The following NRXN3 variants were observed in gnomAD, a reference collection of about 807,000 sequenced individuals.
NRXN3 encodes the protein neurexin 3, also known as neurexin III.
NRXN3 carries 32 observed loss-of-function variants against 137.6 expected under a neutral mutation model. That is an observed-to-expected ratio of 0.23 (90% CI 0.18 to 0.31). The LOEUF (loss-of-function observed/expected upper bound fraction) is 0.31, where lower values mean the gene tolerates loss of function less well. NRXN3 is among the 10% of genes least tolerant of loss of function. The pLI is 1.00. For missense variants in NRXN3, 1,574 were observed against 2,062.5 expected (o/e 0.76, Z 4.59); for synonymous variants, 798 against 784.5 (o/e 1.02, Z -0.29).
intron 4 of NRXN3, among the ~76,000 whole-genome samples, chr14:78,330,961 C>G (rs1036537003): frequency 1.1e-4 from 17 of 152,078 alleles, no homozygotes; most frequent in African/African-American, 4.1e-4. Context: ...CTAACATTTC[C>G]CAGTTTTATG....
chr14:78,958,918 G>T (rs2099402616), intron 11 of NRXN3, among the ~76,000 whole-genome samples: 1 of 152,108 alleles, frequency 6.6e-6, no homozygotes, highest in South Asian at 2.1e-4. Flanking sequence ...GTAGCCCTGG[G>T]GGTCTAATAT....
intron 6 of NRXN3, chr14:78,695,551 T>G (rs2098217608): frequency 6.6e-6 from 1 of 152,052 alleles, no homozygotes; most frequent in African/African-American, 2.4e-5. Flanking sequence ...TATGGCAACA[T>G]TCCCAACTCC....
intron 4 of NRXN3, among the ~76,000 whole-genome samples, chr14:78,598,508 G>A (rs1005494675): frequency 6.6e-6 from 1 of 152,200 alleles, no homozygotes; most frequent in Non-Finnish European, 1.5e-5. Flanking sequence ...CCTCTTCTGC[G>A]GTCGCATGTC....
chr14:79,281,942 C>G (rs991492749), intron 15 of NRXN3: 1 of 152,186 alleles, frequency 6.6e-6, no homozygotes, highest in Non-Finnish European at 1.5e-5. Context: ...CCAGCACATA[C>G]TCTGGCTCTT....
chr14:79,306,259 A>T (rs1445568859), intron 15 of NRXN3, among the ~76,000 whole-genome samples: 1 of 152,052 alleles, frequency 6.6e-6, no homozygotes, highest in African/African-American at 2.4e-5. Context: ...TATACTGTAT[A>T]TTCATTCCCC....
chr14:78,472,775 C>A (rs1599118176), intron 4 of NRXN3, among the ~76,000 whole-genome samples: 1 of 152,246 alleles, frequency 6.6e-6, no homozygotes, highest in African/African-American at 2.4e-5. Context: ...AGATAAAGGA[C>A]AGGGGCTCCC....
intron 8 of NRXN3, among the ~76,000 whole-genome samples, chr14:78,747,401 C>G (rs1158224429): frequency 6.6e-6 from 1 of 152,000 alleles, no homozygotes; most frequent in Non-Finnish European, 1.5e-5. Flanking sequence ...AAATCAGGTG[C>G]AATAAGCTTT....
chr14:78,870,243 A>C (rs2099098018), intron 10 of NRXN3, among the ~76,000 whole-genome samples: 1 of 152,226 alleles, frequency 6.6e-6, no homozygotes, highest in East Asian at 1.9e-4. Context: ...CAAGTAAAAA[A>C]GTCTTTATCA....
At chr14:79,391,707 A>T (rs2094850361) in intron 15 of NRXN3, among the ~76,000 whole-genome samples, 1 of 152,216 alleles carries the variant, frequency 6.6e-6, no homozygotes, top group African/African-American at 2.4e-5. Flanking sequence ...AGAAAGAATT[A>T]ATGAGAATTA....
intron 16 of NRXN3, among the ~76,000 whole-genome samples, chr14:79,494,432 A>G (rs2096746811): frequency 6.6e-6 from 1 of 152,210 alleles, no homozygotes; most frequent in African/African-American, 2.4e-5. Context: ...ATACACAGAA[A>G]GCAAAAGAGG....
intron 15 of NRXN3, among the ~76,000 whole-genome samples, chr14:79,243,221 C>T (rs527527460): frequency 1.3e-5 from 2 of 152,098 alleles, no homozygotes; most frequent in African/African-American, 4.8e-5. Flanking sequence ...TTAAGGATTC[C>T]ACCGTCTACT....
intron 15 of NRXN3, among the ~76,000 whole-genome samples, chr14:79,396,741 A>G (rs1057089596): frequency 2.0e-5 from 3 of 152,178 alleles, no homozygotes; most frequent in Non-Finnish European, 2.9e-5. Context: ...AATTTACACA[A>G]ACCAAAGGTC....
At chr14:79,694,998 A>C (rs187322583) in intron 18 of NRXN3, among the ~76,000 whole-genome samples, 1 of 152,138 alleles carries the variant, frequency 6.6e-6, no homozygotes, top group African/African-American at 2.4e-5. Context: ...TCAGTGTCTT[A>C]TTCTCAAGAA....
intron 15 of NRXN3, among the ~76,000 whole-genome samples, chr14:79,226,862 C>G (rs2070984611): frequency 8.2e-6 from 1 of 121,550 alleles, no homozygotes; most frequent in Non-Finnish European, 1.6e-5. Flanking sequence ...TTTGCTCAGT[C>G]TGGAGTGCAG....
intron 2 of NRXN3, among the ~76,000 whole-genome samples, chr14:78,260,891 G>T (rs2070597691): frequency 6.6e-6 from 1 of 152,098 alleles, no homozygotes; most frequent in African/African-American, 2.4e-5. Context: ...TTTTGATTGG[G>T]TAAATTTAAT....
intron 15 of NRXN3, among the ~76,000 whole-genome samples, chr14:79,367,512 A>G (rs575670218): frequency 6.6e-6 from 1 of 152,348 alleles, no homozygotes; most frequent in African/African-American, 2.4e-5. Flanking sequence ...TCAAGGATTC[A>G]GATTTCCCAA....
intron 15 of NRXN3, among the ~76,000 whole-genome samples, chr14:79,110,343 A>T (rs1387136146): frequency 1.3e-5 from 2 of 152,226 alleles, no homozygotes; most frequent in Non-Finnish European, 2.9e-5. Flanking sequence ...TTCAAATTGC[A>T]CTGTCCTCTA....
chr14:79,174,827 T>G (rs2062146220), intron 15 of NRXN3, among the ~76,000 whole-genome samples: 1 of 151,742 alleles, frequency 6.6e-6, no homozygotes, highest in South Asian at 2.1e-4. Context: ...GAGATAGTAA[T>G]GGAGAAAGAT....
intron 10 of NRXN3, among the ~76,000 whole-genome samples, chr14:78,825,269 T>C (rs1341763895): frequency 6.6e-6 from 1 of 151,574 alleles, no homozygotes; most frequent in Non-Finnish European, 1.5e-5. Flanking sequence ...TTTATAGGCT[T>C]CTGTAAGCTT....
Sources: gnomAD v4.1 joint callset for allele counts (sites outside exome capture counted in the v4.1 genomes callset) on GRCh38, gnomAD v4.1.1 for gene constraint, MANE v1.5 for transcripts, NCBI Gene and HGNC (gene_info 2026-07-23, HGNC 2026-07-21) for gene names.